KCNH1: variants seen among roughly 807,000 people sequenced by gnomAD.
KCNH1 encodes the protein potassium voltage-gated channel subfamily H member 1, also known as voltage-gated delayed rectifier potassium channel KCNH1.
In KCNH1, 27 loss-of-function variants were observed where a neutral mutation model predicts 69.2. The ratio of observed to expected loss-of-function variants is 0.39; its 90% CI spans 0.29 to 0.54. The LOEUF is 0.54. Ranked by LOEUF, KCNH1 falls within the 20% of genes least tolerant of loss-of-function variation. KCNH1 has a pLI of 0.68. For missense variants in KCNH1, 798 were observed against 1,261.6 expected, an observed-to-expected ratio of 0.63 and a Z score of 5.57; for synonymous variants, 456 against 487.7, an observed-to-expected ratio of 0.93 and a Z score of 0.86.
chr1:210,947,856 T>C (rs1687988385), intron 6 of KCNH1, among the ~76,000 whole-genome samples: 1 of 152,148 alleles, frequency 6.6e-6, no homozygotes, highest in Non-Finnish European at 1.5e-5. Context: ...TTAATCACTA[T>C]GAAAGTTCCA....
intron 10 of KCNH1, among the ~76,000 whole-genome samples, chr1:210,715,270 G>T (rs1682199365): frequency 6.6e-6 from 1 of 152,178 alleles, no homozygotes; most frequent in African/African-American, 2.4e-5. Flanking sequence ...ACTTGAGTGA[G>T]CCTCCTGTCA....
chr1:211,129,754 G>A (rs935804959), intron 1 of KCNH1, among the ~76,000 whole-genome samples: 6 of 152,122 alleles, frequency 3.9e-5, no homozygotes, highest in African/African-American at 9.7e-5. Flanking sequence ...AACATTACTC[G>A]TGGTTCTCAT....
chr1:210,895,335 G>A (rs1403515684), intron 7 of KCNH1, among the ~76,000 whole-genome samples: 1 of 151,850 alleles, frequency 6.6e-6, no homozygotes, highest in Non-Finnish European at 1.5e-5. Flanking sequence ...CACATGTATG[G>A]CACACAATGT....
At chr1:210,737,918 A>G (rs941623997) in intron 10 of KCNH1, among the ~76,000 whole-genome samples, 5 of 152,166 alleles carry the variant, frequency 3.3e-5, no homozygotes, top group African/African-American at 1.2e-4. Flanking sequence ...TAGTTACCAA[A>G]TTTATCTTTC....
chr1:210,905,200 T>C (rs1574329696), intron 7 of KCNH1, among the ~76,000 whole-genome samples: 1 of 152,348 alleles, frequency 6.6e-6, no homozygotes, highest in Admixed American at 6.5e-5. Flanking sequence ...ACTTCCTAGC[T>C]GATTTTAGGC....
chr1:210,931,474 C>T (rs1196908067), intron 6 of KCNH1, among the ~76,000 whole-genome samples: 3 of 151,946 alleles, frequency 2.0e-5, no homozygotes, highest in Non-Finnish European at 4.4e-5. Context: ...TATGAGGACG[C>T]AAAGGCCTAA....
At chr1:210,899,504 TA>T (rs1290871308) in intron 7 of KCNH1, among the ~76,000 whole-genome samples, 20 of 152,044 alleles carry the variant, frequency 1.3e-4, no homozygotes, top group South Asian at 6.2e-4. Flanking sequence ...TATATATATA[TA>T]TTTTTATCAT....
chr1:210,872,302 T>C (rs1574309492), intron 7 of KCNH1, among the ~76,000 whole-genome samples: 3 of 152,242 alleles, frequency 2.0e-5, no homozygotes, highest in African/African-American at 2.4e-5. Context: ...ACCATCCCTC[T>C]GACTGACCTG....
At chr1:210,690,355 C>T (rs925423905) in intron 10 of KCNH1, among the ~76,000 whole-genome samples, 4 of 152,138 alleles carry the variant, frequency 2.6e-5, no homozygotes, top group African/African-American at 9.7e-5. Context: ...GGCCTCTTCT[C>T]CCAGAGCTGG....
chr1:210,982,160 T>A (rs539713792), intron 6 of KCNH1, among the ~76,000 whole-genome samples: 2 of 151,846 alleles, frequency 1.3e-5, no homozygotes, highest in African/African-American at 4.8e-5. Flanking sequence ...ATTTTCAACA[T>A]CCACACAGGA....
chr1:210,902,455 A>C (rs922823955), intron 7 of KCNH1, among the ~76,000 whole-genome samples: 7 of 152,144 alleles, frequency 4.6e-5, no homozygotes, highest in African/African-American at 1.7e-4. Context: ...CTCTGTGCAC[A>C]TGGTGGTGGG....
chr1:210,973,477 T>C (rs1022208161), intron 6 of KCNH1, among the ~76,000 whole-genome samples: 60 of 152,144 alleles, frequency 3.9e-4, no homozygotes, highest in Admixed American at 9.2e-4. Flanking sequence ...ATAGCTATCC[T>C]TTCGTTTCTA....
At chr1:210,872,300 T>C (rs72757548) in intron 7 of KCNH1, among the ~76,000 whole-genome samples, 21,220 of 152,032 alleles carry the variant, frequency 0.14, 1,745 homozygotes, top group Non-Finnish European at 0.17. Flanking sequence ...ATACCATCCC[T>C]CTGACTGACC....
chr1:210,773,541 T>C (rs1683794519), intron 10 of KCNH1, among the ~76,000 whole-genome samples: 1 of 152,190 alleles, frequency 6.6e-6, no homozygotes, highest in African/African-American at 2.4e-5. Context: ...GTGACAGGCA[T>C]TGGAACCTTG....
At chr1:210,872,130 A>G (rs1261017889) in intron 7 of KCNH1, among the ~76,000 whole-genome samples, 4 of 150,660 alleles carry the variant, frequency 2.7e-5, no homozygotes, top group Admixed American at 6.6e-5. Context: ...AGTGGAAAAA[A>G]GCTTAAAGGG....
intron 6 of KCNH1, among the ~76,000 whole-genome samples, chr1:210,998,069 TAA>T (rs1227620403): frequency 1.3e-5 from 2 of 152,142 alleles, no homozygotes; most frequent in African/African-American, 4.8e-5. Flanking sequence ...TGCCAAGTTG[TAA>T]AGACTGTCAA....
At position 211,134,118 on chromosome 1, in the gene KCNH1, G is replaced by T. The variant is rs1205735646; in HGVS notation, c.-173C>A. 2.0e-6 allele frequency: 1 copy of T among 505,924 alleles called. No homozygotes were observed. Among genetic ancestry groups the T allele is most frequent in the Non-Finnish European group, 3.4e-6 (1 of 289,976 alleles). 31.3% of individuals were successfully genotyped at this position (505,924 alleles called of 1,614,324 possible). On this transcript the variant is annotated 5_prime_UTR_variant, in exon 1 of 11. Transcript: ENST00000271751. This position sits in a 1 kb window ranked among gnomAD's most constrained non-coding sequence, Gnocchi z 5.7. ...GCTGCTACCCTCGCGCCCTCTTCGCGCCTCCCTCCCTGCGGCCCGCCTCGC... is the reference window on the plus strand; with the variant it reads ...GCTGCTACCCTCGCGCCCTCTTCGCTCCTCCCTCCCTGCGGCCCGCCTCGC...
chr1:210,852,305 G>C (rs946788345), intron 7 of KCNH1, among the ~76,000 whole-genome samples: 1 of 152,212 alleles, frequency 6.6e-6, no homozygotes, highest in Non-Finnish European at 1.5e-5. Context: ...TTGGAGCTGG[G>C]AGCTTGGGAA....
intron 3 of KCNH1, among the ~76,000 whole-genome samples, chr1:211,100,983 C>T (rs763265916): frequency 8.5e-5 from 13 of 152,212 alleles, no homozygotes; most frequent in South Asian, 6.2e-4. Context: ...GCTCTCTCTC[C>T]GCTGCAGCCC....
Sources: allele counts gnomAD v4.1 joint callset (sites outside exome capture counted in the v4.1 genomes callset), GRCh38; gene constraint gnomAD v4.1.1; non-coding constraint Gnocchi (gnomAD v3.1); transcripts MANE v1.5; gene names NCBI Gene and HGNC (gene_info 2026-07-23, HGNC 2026-07-21).